Variants in ADRA1A observed in about 807,000 individuals in gnomAD.
The protein encoded by ADRA1A is alpha-1A adrenergic receptor.
Under a neutral mutation model 29.6 loss-of-function variants are expected in ADRA1A, and 31 were observed. The ratio of observed to expected loss-of-function variants is 1.05; its 90% CI spans 0.79 to 1.41. ADRA1A has a LOEUF of 1.41. Among genes scored for constraint, ADRA1A ranks in the 40% most tolerant of loss-of-function variants. ADRA1A has a pLI of 0.00. For synonymous variants in ADRA1A, 311 were observed against 254.3 expected (o/e 1.22, Z -2.12); for missense variants, 619 against 601.1 (o/e 1.03, Z -0.31).
intron 2 of ADRA1A, among the ~76,000 whole-genome samples, chr8:26,789,558 T>C (rs973160155): frequency 5.3e-5 from 8 of 152,040 alleles, no homozygotes; most frequent in African/African-American, 1.7e-4. Flanking sequence ...ACTATAAATA[T>C]ACTAGAAGAA....
chr8:26,785,311 C>A (rs1423323535), intron 2 of ADRA1A, among the ~76,000 whole-genome samples: 1 of 152,158 alleles, frequency 6.6e-6, no homozygotes, highest in African/African-American at 2.4e-5. Flanking sequence ...ATTTAGCATT[C>A]ATTACACACA....
At chr8:26,758,967 G>A (rs1268293225) in intron 2 of ADRA1A, among the ~76,000 whole-genome samples, 1 of 152,160 alleles carries the variant, frequency 6.6e-6, no homozygotes, top group African/African-American at 2.4e-5. Context: ...TTGGCATGTA[G>A]TGGATACTCT....
At chr8:26,809,300 G>T (rs1467617017) in intron 2 of ADRA1A, among the ~76,000 whole-genome samples, 2 of 152,042 alleles carry the variant, frequency 1.3e-5, no homozygotes, top group East Asian at 1.9e-4. Context: ...GTGTTACTCT[G>T]TTCAGGTACT....
chr8:26,773,623 A>C (rs1278850033), intron 2 of ADRA1A, among the ~76,000 whole-genome samples: 1 of 152,232 alleles, frequency 6.6e-6, no homozygotes, highest in Admixed American at 6.5e-5. Flanking sequence ...ATTTTTAAAA[A>C]AGAAAAAAAA....
At chr8:26,845,402 C>T (rs1007897376) in intron 2 of ADRA1A, among the ~76,000 whole-genome samples, 1 of 152,128 alleles carries the variant, frequency 6.6e-6, no homozygotes, top group African/African-American at 2.4e-5. Flanking sequence ...TATTTCACAC[C>T]CACTAGGATG....
chr8:26,812,831 A>AT (rs1237338465), intron 2 of ADRA1A, among the ~76,000 whole-genome samples: 1 of 151,036 alleles, frequency 6.6e-6, no homozygotes, highest in Non-Finnish European at 1.5e-5. Context: ...CGCCAGGCTA[A>AT]TTTTTCTGTA....
At chr8:26,849,290 A>C (rs544902351) in intron 2 of ADRA1A, among the ~76,000 whole-genome samples, 7 of 152,340 alleles carry the variant, frequency 4.6e-5, no homozygotes, top group African/African-American at 1.7e-4. Context: ...ACTGCGACAC[A>C]CACAGGATCA....
intron 2 of ADRA1A, among the ~76,000 whole-genome samples, chr8:26,807,560 A>G (rs1809085684): frequency 6.7e-6 from 1 of 149,576 alleles, no homozygotes; most frequent in South Asian, 2.2e-4. Flanking sequence ...GTGAACCTTC[A>G]AAGTGGGGAG....
rs1226269478 is a variant in ADRA1A, at chr8:26,811,190, C to CTTT, written c.884-40527_884-40525dup. 1.0e-3 allele frequency among the ~76,000 whole-genome samples: 147 copies of CTTT among 142,802 alleles called. 7 individuals are homozygous for CTTT. The highest frequency in any genetic ancestry group is 1.8e-3 in the African/African-American group (67 of 36,930). The allele number at this position is 142,802 out of a possible 152,430, so 93.7% of individuals were successfully genotyped here. ...TGGGTCTCACTGTCTAGCTTTCTTTCTTTTCTTTTTTTTTTTTGTTGAGAC... is the reference window on the plus strand; with the variant it reads ...TGGGTCTCACTGTCTAGCTTTCTTTCTTTTTTTCTTTTTTTTTTTTGTTGAGAC... On this transcript the variant is annotated intron_variant, in intron 2 of 2. Coordinates refer to ENST00000380573, the MANE Select transcript of ADRA1A (RefSeq NM_000680.4).
chr8:26,793,887 G>T (rs1171786301), intron 2 of ADRA1A, among the ~76,000 whole-genome samples: 1 of 151,892 alleles, frequency 6.6e-6, no homozygotes, highest in Non-Finnish European at 1.5e-5. Context: ...ATGTAAAAAT[G>T]CTTCCTAATT....
At chr8:26,853,275 A>T (rs512131) in intron 2 of ADRA1A, among the ~76,000 whole-genome samples, 107,091 of 151,944 alleles carry the variant, frequency 0.7, 38,123 homozygotes, top group African/African-American at 0.78. Flanking sequence ...ATTTCCCAAC[A>T]TCATTGTTTA....
intron 2 of ADRA1A, among the ~76,000 whole-genome samples, chr8:26,812,349 G>T (rs940793866): frequency 6.6e-6 from 1 of 151,950 alleles, no homozygotes; most frequent in Non-Finnish European, 1.5e-5. Context: ...ATTTAATATC[G>T]AATAACTGAT....
At chr8:26,820,997 C>G (rs1396377797) in intron 2 of ADRA1A, among the ~76,000 whole-genome samples, 1 of 152,146 alleles carries the variant, frequency 6.6e-6, no homozygotes, top group Non-Finnish European at 1.5e-5. Flanking sequence ...TCAAGCGATT[C>G]TCCTGCCTCA....
chr8:26,860,367 G>T lies in ADRA1A; in HGVS notation c.883+3720C>A, dbSNP rs1442040775. ...TGCTCCCTAACCTGACCGAGTCTGT[G>T]TCTCTTCACACACACACTCTCTGGG... On this transcript the variant is annotated intron_variant, in intron 2 of 2. Transcript: ENST00000380573. This position sits in a 1 kb window ranked among gnomAD's most constrained non-coding sequence, Gnocchi z 4.7. Among the ~76,000 whole-genome samples, 1 of 152,108 alleles carries T rather than the reference G, an allele frequency of 6.6e-6. No homozygotes were observed. Among genetic ancestry groups the T allele is most frequent in the Non-Finnish European group, 1.5e-5 (1 of 68,020 alleles).
downstream of ADRA1A, among the ~76,000 whole-genome samples, chr8:26,752,677 A>G (rs1180582233): frequency 6.6e-6 from 1 of 152,162 alleles, no homozygotes; most frequent in Non-Finnish European, 1.5e-5. Flanking sequence ...CTGTATTACT[A>G]TCAGTTGACT....
Position 26,805,044 on chromosome 8 carries a change from T to C in ADRA1A, c.884-34378A>G, listed in dbSNP as rs963521048. Among the ~76,000 whole-genome samples the C allele has an allele frequency of 4.6e-5, 7 of 152,204 alleles. No individual in the cohort carries two copies. The highest frequency in any genetic ancestry group is 8.8e-5 in the Non-Finnish European group (6 of 68,038). On this transcript the variant is annotated intron_variant, in intron 2 of 2. Transcript: ENST00000380573. This position sits in a 1 kb window ranked among gnomAD's most constrained non-coding sequence, Gnocchi z 4.8. Reference sequence around the variant, plus strand: ...ACAAACATACACCACTCAGGTTTCATAGACATTATTTCTGGAGATAAAGAG... The same window carrying C: ...ACAAACATACACCACTCAGGTTTCACAGACATTATTTCTGGAGATAAAGAG...
chr8:26,755,520 A>G (rs1585622670), downstream of ADRA1A, among the ~76,000 whole-genome samples: 1 of 151,998 alleles, frequency 6.6e-6, no homozygotes, highest in Non-Finnish European at 1.5e-5. Context: ...AGGAGGCAGC[A>G]CCCCCAGCAC....
Position 26,823,573 on chromosome 8 carries a change from G to A in ADRA1A, c.883+40514C>T, listed in dbSNP as rs757920722. 1.6e-4 allele frequency among the ~76,000 whole-genome samples: 25 copies of A among 152,174 alleles called. No individual in the cohort carries two copies. The highest frequency in any genetic ancestry group is 7.2e-4 in the Admixed American group (11 of 15,286). On this transcript the variant is annotated intron_variant, in intron 2 of 2. Coordinates refer to ENST00000380573, the MANE Select transcript of ADRA1A (RefSeq NM_000680.4). This position sits in a 1 kb window ranked among gnomAD's most constrained non-coding sequence, Gnocchi z 4.2. Reference sequence around the variant, plus strand: ...GGACAAATGCACTGGTTCGGGGAGCGCTGGGCTAAGGATCAGGCTGCTTGG... The same window carrying A: ...GGACAAATGCACTGGTTCGGGGAGCACTGGGCTAAGGATCAGGCTGCTTGG...
At chr8:26,750,422 G>A (rs781680862) in intron 2 of ADRA1A, among the ~76,000 whole-genome samples, 5 of 152,118 alleles carry the variant, frequency 3.3e-5, no homozygotes, top group East Asian at 1.9e-4. Flanking sequence ...GGCTGGTCTC[G>A]AACTCCTGAG....
Sources: gnomAD v4.1 joint callset for allele counts (sites outside exome capture counted in the v4.1 genomes callset) on GRCh38, gnomAD v4.1.1 for gene constraint, Gnocchi (gnomAD v3.1) non-coding constraint, MANE v1.5 for transcripts, NCBI Gene and HGNC (gene_info 2026-07-23, HGNC 2026-07-21) for gene names.